Variants in MAP4K3 observed in about 807,000 individuals in gnomAD.
The protein encoded by MAP4K3 is MAPK/ERK kinase kinase kinase 3.
Under a neutral mutation model 143.5 loss-of-function variants are expected in MAP4K3, and 94 were observed. That is an observed-to-expected ratio of 0.65 (90% CI 0.55 to 0.78). The LOEUF (loss-of-function observed/expected upper bound fraction) is 0.78. Ranked by LOEUF, MAP4K3 falls within the 30% of genes least tolerant of loss-of-function variation. The probability of loss-of-function intolerance (pLI) is 0.00; values close to 1 mark genes in which losing one functional copy is unlikely to be tolerated. For synonymous variants in MAP4K3, 416 were observed against 347.2 expected (o/e 1.20, Z -2.20); for missense variants, 1,077 against 1,068.1 (o/e 1.01, Z -0.12).
chr2:39,341,845 T>C (rs1340102440), intron 4 of MAP4K3, among the ~76,000 whole-genome samples: 2 of 152,258 alleles, frequency 1.3e-5, no homozygotes, highest in South Asian at 2.1e-4. Flanking sequence ...TCATTTTCAC[T>C]GAATCTTTGA....
intron 3 of MAP4K3, among the ~76,000 whole-genome samples, chr2:39,347,756 GA>G (rs1289552369): frequency 1.3e-5 from 2 of 151,622 alleles, no homozygotes; most frequent in Non-Finnish European, 2.9e-5. Flanking sequence ...CTTTTTTAAG[GA>G]AAAAAGAGAG....
intron 1 of MAP4K3, among the ~76,000 whole-genome samples, chr2:39,378,963 A>G (rs1287022973): frequency 1.3e-5 from 2 of 151,952 alleles, no homozygotes; most frequent in African/African-American, 2.4e-5. Context: ...TCAATTTAAG[A>G]TATTTTATAA....
At chr2:39,345,065 C>T (rs1332191433) in intron 3 of MAP4K3, among the ~76,000 whole-genome samples, 1 of 152,056 alleles carries the variant, frequency 6.6e-6, no homozygotes, top group Non-Finnish European at 1.5e-5. Context: ...GTTACATGAA[C>T]AATACATTAA....
In MAP4K3 at chr2:39,324,984, AT is replaced by A. The variant is rs1286514357; in HGVS notation, c.918+533del. Reference sequence around the variant, plus strand: ...ATAATTTATGAAGTATTATATAAGAATTTTTTTTTAAAGATAGAAACGGGGT... The same window carrying A: ...ATAATTTATGAAGTATTATATAAGAATTTTTTTTAAAGATAGAAACGGGGT... On this transcript the variant is annotated intron_variant, in intron 12 of 33. Transcript: ENST00000263881. Among the ~76,000 whole-genome samples, 5 of 151,772 alleles carry A rather than the reference AT, an allele frequency of 3.3e-5. 1 individual carries two copies. The highest frequency in any genetic ancestry group is 1.9e-4 in the East Asian group (1 of 5,198).
At chr2:39,350,545 A>T (rs1030324701) in intron 3 of MAP4K3, among the ~76,000 whole-genome samples, 1 of 152,218 alleles carries the variant, frequency 6.6e-6, no homozygotes, top group African/African-American at 2.4e-5. Flanking sequence ...ATTCAAAAAG[A>T]TATTCATAAA....
chr2:39,364,429 C>T (rs1665863067), intron 2 of MAP4K3, among the ~76,000 whole-genome samples: 1 of 152,166 alleles, frequency 6.6e-6, no homozygotes, highest in African/African-American at 2.4e-5. Context: ...TAAAAAGAGA[C>T]AAACTCTAAA....
intron 1 of MAP4K3, among the ~76,000 whole-genome samples, chr2:39,408,429 TG>T (rs1667152363): frequency 6.6e-6 from 1 of 152,112 alleles, no homozygotes; most frequent in Non-Finnish European, 1.5e-5. Flanking sequence ...GTCAATTCAA[TG>T]GAAGAGAACA....
intron 1 of MAP4K3, among the ~76,000 whole-genome samples, chr2:39,422,499 C>G (rs1667575477): frequency 6.6e-6 from 1 of 152,164 alleles, no homozygotes; most frequent in African/African-American, 2.4e-5. Context: ...TCTCAGACTT[C>G]TAGCCTCCAG....
intron 1 of MAP4K3, among the ~76,000 whole-genome samples, chr2:39,434,261 A>C (rs1665384404): frequency 6.6e-6 from 1 of 152,240 alleles, no homozygotes. Context: ...AATTTGTATA[A>C]ATAAGAAAAA....
intron 29 of MAP4K3, among the ~76,000 whole-genome samples, chr2:39,259,374 C>T (rs904790937): frequency 6.6e-6 from 1 of 152,116 alleles, no homozygotes; most frequent in African/African-American, 2.4e-5. Flanking sequence ...CTGATGAATG[C>T]TCAAGTCTGG....
intron 4 of MAP4K3, among the ~76,000 whole-genome samples, chr2:39,340,827 T>G (rs140606408): frequency 6.6e-6 from 1 of 152,118 alleles, no homozygotes; most frequent in African/African-American, 2.4e-5. Context: ...AAATAAAATC[T>G]AATGGATGTT....
intron 2 of MAP4K3, among the ~76,000 whole-genome samples, chr2:39,375,028 G>A (rs777811170): frequency 3.3e-5 from 5 of 152,140 alleles, no homozygotes; most frequent in Non-Finnish European, 5.9e-5. Context: ...TTGGAAGGCC[G>A]AGGTGAGAGG....
chr2:39,430,621 T>A (rs1306377778), intron 1 of MAP4K3, among the ~76,000 whole-genome samples: 2 of 152,146 alleles, frequency 1.3e-5, no homozygotes, highest in Admixed American at 6.5e-5. Context: ...CCCAATTTAA[T>A]CGTATTTTAA....
At chr2:39,299,379 G>A (rs757701553) in intron 16 of MAP4K3, among the ~76,000 whole-genome samples, 2 of 152,126 alleles carry the variant, frequency 1.3e-5, no homozygotes, top group African/African-American at 4.8e-5. Flanking sequence ...AATAATTCCA[G>A]CTGTTTTTAG....
intron 1 of MAP4K3, among the ~76,000 whole-genome samples, chr2:39,423,529 A>G (rs756543564): frequency 1.3e-5 from 2 of 152,224 alleles, no homozygotes; most frequent in Non-Finnish European, 2.9e-5. Context: ...ATGTTCTTCA[A>G]TAGGTGAATG....
At chr2:39,376,878 T>C (rs865831410) in intron 2 of MAP4K3, among the ~76,000 whole-genome samples, 11 of 152,322 alleles carry the variant, frequency 7.2e-5, no homozygotes, top group Middle Eastern at 3.4e-3. Flanking sequence ...TTTCAACAAC[T>C]TCAAATATCC....
rs543565443 is a variant in MAP4K3, at chr2:39,385,396, T to A, written c.97-7273A>T. On this transcript the variant is annotated intron_variant, in intron 1 of 33. Coordinates refer to ENST00000263881, the MANE Select transcript of MAP4K3 (RefSeq NM_003618.4). ...ATCCTAATAGGTAGGTAAATGCTAT[T>A]TCATGGTGGTTTTAGTTTGCATTTC... 9.2e-5 allele frequency among the ~76,000 whole-genome samples: 14 copies of A among 152,054 alleles called. 1 individual carries two copies. The South Asian group carries it at 2.9e-3, about 32-fold the overall frequency.
chr2:39,252,578 T>A (rs2148429392), intron 32 of MAP4K3, among the ~76,000 whole-genome samples: 1 of 152,342 alleles, frequency 6.6e-6, no homozygotes, highest in Non-Finnish European at 1.5e-5. Flanking sequence ...CAACTACCAG[T>A]TGGGGAATTA....
chr2:39,337,572 G>C lies in MAP4K3; in HGVS notation c.320C>G (p.Pro107Arg). The C allele has an allele frequency of 6.2e-7, 1 of 1,608,676 alleles. No homozygotes were observed. The highest frequency in any genetic ancestry group is 8.5e-7 in the Non-Finnish European group (1 of 1,175,674). ...SLQDIYHVTG[P>R]LSELQIAYVS... ...ATATGCAATTTGCAGTTCTGACAGA[G>C]GTCCAGTTACTGTAAAAGAAGACAA... The change falls in exon 5 of 34, where the codon CCT (proline) becomes CGT (arginine). Residue 107 changes from proline to arginine, a missense_variant. Pro to Arg is a moderately radical substitution (Grantham distance 103). This residue lies in a region of MAP4K3 where 213 missense variants were observed against 266.8 expected (regional missense o/e 0.80). Coordinates refer to ENST00000263881, the MANE Select transcript of MAP4K3 (RefSeq NM_003618.4).
Sources: allele counts gnomAD v4.1 joint callset (sites outside exome capture counted in the v4.1 genomes callset), GRCh38; gene constraint gnomAD v4.1.1; regional missense constraint gnomAD v4.1.1; transcripts MANE v1.5; gene names NCBI Gene and HGNC (gene_info 2026-07-23, HGNC 2026-07-21).